The following GSKIP variants were observed in gnomAD, a reference collection of about 807,000 sequenced individuals.
GSKIP encodes the protein GSK3B interacting protein.
GSKIP carries 5 observed loss-of-function variants against 11.9 expected under a neutral mutation model. The ratio of observed to expected loss-of-function variants is 0.42; its 90% CI spans 0.22 to 0.89. GSKIP has a LOEUF of 0.89. GSKIP is among the 40% of genes least tolerant of loss of function. GSKIP has a pLI of 0.29. For missense variants in GSKIP, 150 were observed against 166.6 expected, an observed-to-expected ratio of 0.90 and a Z score of 0.55; for synonymous variants, 70 against 62.9, an observed-to-expected ratio of 1.11 and a Z score of -0.54.
intron 3 of GSKIP, 46 bp from the exon 4 acceptor site, chr14:96,385,477 T>C (rs566032396): frequency 9.8e-6 from 15 of 1,532,552 alleles, no homozygotes; most frequent in Non-Finnish European, 1.3e-5. Context: ...TTGCTTTCTG[T>C]ACCAACATGA....
rs375705512 is a variant in GSKIP, at chr14:96,385,566, C to T, written c.302C>T (p.Thr101Ile). The T allele has an allele frequency of 8.7e-6, 14 of 1,612,470 alleles. No homozygotes were observed. The highest frequency in any genetic ancestry group is 1.2e-5 in the Non-Finnish European group (14 of 1,178,984). Residue 101 changes from threonine (T) to isoleucine (I), a missense_variant, in exon 4 of 4, where the codon ACT (threonine) becomes ATT (isoleucine). Transcript: ENST00000555181. ...GACCAGGTAGATGATCATTTACAGA[C>T]TCCCTACCATGAAACAGTCTACTCC... Reference protein sequence around the residue: ...AFDQVDDHLQTPYHETVYSLL... With the variant: ...AFDQVDDHLQIPYHETVYSLL...
intron 1 of GSKIP, among the ~76,000 whole-genome samples, chr14:96,366,890 T>C (rs113034326): frequency 1.4e-3 from 211 of 152,296 alleles, no homozygotes; most frequent in African/African-American, 4.4e-3. Flanking sequence ...TCTGTTAACA[T>C]GGGAAATGAA....
rs1889499276 is a variant in GSKIP at position 96,386,674 on chromosome 14, G to T, written c.*990G>T. 6.6e-6 allele frequency: 1 copy of T among 152,636 alleles called. No individual in the cohort carries two copies. Among genetic ancestry groups the T allele is most frequent in the Non-Finnish European group, 1.5e-5 (1 of 68,036 alleles). 9.5% of individuals were successfully genotyped at this position (152,636 alleles called of 1,614,324 possible). ...ATTCGAAATCTACAATGTAATATGA[G>T]TGCATTGTATGGGTTTGAAACCAAA... On this transcript the variant is annotated 3_prime_UTR_variant, in exon 4 of 4. Transcript: ENST00000555181.
intron 1 of GSKIP, among the ~76,000 whole-genome samples, chr14:96,377,246 C>G (rs1200468691): frequency 6.6e-6 from 1 of 152,196 alleles, no homozygotes; most frequent in South Asian, 2.1e-4. Flanking sequence ...CAATAAAGAA[C>G]ATTTCCGTCA....
intron 1 of GSKIP, among the ~76,000 whole-genome samples, chr14:96,366,986 C>T (rs1375209310): frequency 6.6e-6 from 1 of 152,174 alleles, no homozygotes; most frequent in Non-Finnish European, 1.5e-5. Context: ...CCACACCTCA[C>T]GGCTCTTGGA....
At chr14:96,376,412 C>T (rs1889204917) in intron 1 of GSKIP, among the ~76,000 whole-genome samples, 1 of 152,198 alleles carries the variant, frequency 6.6e-6, no homozygotes, top group African/African-American at 2.4e-5. Context: ...TATTCATGCT[C>T]ATTCCAAACC....
chr14:96,372,241 C>T (rs1469139299), intron 1 of GSKIP, among the ~76,000 whole-genome samples: 3 of 152,154 alleles, frequency 2.0e-5, no homozygotes, highest in Non-Finnish European at 4.4e-5. Context: ...TTAGAATTTT[C>T]TCTGTTTTAT....
chr14:96,370,425 T>G (rs147224783), intron 1 of GSKIP, among the ~76,000 whole-genome samples: 108 of 149,644 alleles, frequency 7.2e-4, no homozygotes, highest in African/African-American at 2.6e-3. Context: ...AAGTCTCTTG[T>G]CAAAATATGA....
intron 1 of GSKIP, chr14:96,365,307 A>T (rs1888847378): frequency 6.6e-6 from 1 of 151,948 alleles, no homozygotes; most frequent in Admixed American, 6.6e-5. Context: ...ACATTTTAGC[A>T]GAAACTTGGA....
At chr14:96,378,799 T>C (rs1397819196) in intron 1 of GSKIP, 1 of 152,230 alleles carries the variant, frequency 6.6e-6, no homozygotes, top group Admixed American at 6.5e-5. Flanking sequence ...CTAAATCCAA[T>C]AGAATGCTTT....
chr14:96,384,436 C>G (rs930268582), intron 3 of GSKIP, among the ~76,000 whole-genome samples: 1 of 151,714 alleles, frequency 6.6e-6, no homozygotes, highest in Admixed American at 6.6e-5. Flanking sequence ...CACAAACTTT[C>G]ACCTCCTATG....
rs980017962 is a variant in GSKIP, at chr14:96,383,992, T to A, written c.258+1487T>A. Among the ~76,000 whole-genome samples the A allele has an allele frequency of 2.6e-5, 4 of 152,140 alleles. No homozygotes were observed. In the South Asian group the frequency reaches 6.2e-4, roughly 24 times the overall value. ...CAGTCTTAAATGTGAATTTAAGTGA[T>A]CTTGAGTGAGTCCGTCTACCCCTGA... On this transcript the variant is annotated intron_variant, in intron 3 of 3. Coordinates refer to ENST00000555181, the MANE Select transcript of GSKIP (RefSeq NM_016472.5).
intron 1 of GSKIP, among the ~76,000 whole-genome samples, chr14:96,373,716 G>A (rs952256293): frequency 6.6e-6 from 1 of 152,102 alleles, no homozygotes; most frequent in African/African-American, 2.4e-5. Flanking sequence ...ATTGGGTAGA[G>A]TACTCAGAAA....
rs1889497225 is a variant in GSKIP at position 96,386,622 on chromosome 14, C to T, written c.*938C>T. On this transcript the variant is annotated 3_prime_UTR_variant, in exon 4 of 4. Coordinates refer to ENST00000555181, the MANE Select transcript of GSKIP (RefSeq NM_016472.5). ...GTATTCCTACAGCACCCCACCTTCC[C>T]CAACAGATGTACAGTGTTCTGTCTC... 6.6e-6 allele frequency: 1 copy of T among 152,586 alleles called. No homozygotes were observed. The highest frequency in any genetic ancestry group is 2.4e-5 in the African/African-American group (1 of 41,426). The allele number at this position is 152,586 out of a possible 1,614,324, so 9.5% of individuals were successfully genotyped here.
Position 96,385,728 on chromosome 14 carries a change from T to C in GSKIP, c.*44T>C, listed in dbSNP as rs1889473783. The C allele has an allele frequency of 1.3e-6, 2 of 1,519,404 alleles. No individual in the cohort carries two copies. Among genetic ancestry groups the C allele is most frequent in the South Asian group, 1.2e-5 (1 of 83,554 alleles). 94.1% of individuals were successfully genotyped at this position (1,519,404 alleles called of 1,614,324 possible). On this transcript the variant is annotated 3_prime_UTR_variant, in exon 4 of 4. Coordinates refer to ENST00000555181, the MANE Select transcript of GSKIP (RefSeq NM_016472.5). ...GAGGGGCTGGTGCTGGTACAGAATG[T>C]TGATATAAAGCTTAAAATTCTTGCA... is the stretch of plus-strand genomic sequence containing the variant.
chr14:96,363,744 GGGCCGGTCT>G (rs1342735803), intron 1 of GSKIP, 176 bp downstream of exon 1: 1 of 152,322 alleles, frequency 6.6e-6, no homozygotes, highest in African/African-American at 2.4e-5. Flanking sequence ...AGGGGTCTGG[GGGCCGGTCT>G]GGCCGGCCTG....
chr14:96,375,458 G>A (rs1457431719), intron 1 of GSKIP, among the ~76,000 whole-genome samples: 1 of 145,826 alleles, frequency 6.9e-6, no homozygotes, highest in African/African-American at 2.6e-5. Flanking sequence ...TTTTGAGACA[G>A]CGTCTCACTC....
At chr14:96,365,064 A>G (rs1888836769) in intron 1 of GSKIP, 1 of 152,032 alleles carries the variant, frequency 6.6e-6, no homozygotes, top group Admixed American at 6.5e-5. Flanking sequence ...TGTGCCAAGC[A>G]CTGTTCTAGG....
chr14:96,380,703 A>C (rs1334806380), intron 2 of GSKIP, among the ~76,000 whole-genome samples: 1 of 152,154 alleles, frequency 6.6e-6, no homozygotes, highest in Admixed American at 6.5e-5. Context: ...TCCTTCTAAA[A>C]ATGCATTTAA....
Sources: allele counts gnomAD v4.1 joint callset (sites outside exome capture counted in the v4.1 genomes callset), GRCh38; gene constraint gnomAD v4.1.1; transcripts MANE v1.5; gene names NCBI Gene and HGNC (gene_info 2026-07-23, HGNC 2026-07-21).